PCDHA7: variants seen among roughly 807,000 people sequenced by gnomAD.
The protein encoded by PCDHA7 is protocadherin alpha 7.
Under a neutral mutation model 57.2 loss-of-function variants are expected in PCDHA7, and 37 were observed. The ratio of observed to expected loss-of-function variants is 0.65; its 90% confidence interval spans 0.50 to 0.85. The LOEUF is 0.85. Among genes scored for constraint, PCDHA7 ranks in the 40% least tolerant of loss-of-function variants. The probability of loss-of-function intolerance (pLI) is 0.00; values close to 1 mark genes in which losing one functional copy is unlikely to be tolerated. For missense variants in PCDHA7, 1,188 were observed against 1,241.8 expected (o/e 0.96, Z 0.65); for synonymous variants, 553 against 558.8 (o/e 0.99, Z 0.15).
chr5:140,857,610 C>T (rs1436552212), intron 1 of PCDHA7: 2 of 1,596,344 alleles, frequency 1.3e-6, no homozygotes, highest in South Asian at 2.2e-5. Flanking sequence ...GCGCTGCAGC[C>T]GCTGGACCAC....
intron 1 of PCDHA7, among the ~76,000 whole-genome samples, chr5:140,939,509 C>T (rs1013863525): frequency 9.3e-5 from 14 of 150,592 alleles, no homozygotes; most frequent in Non-Finnish European, 1.8e-4. Flanking sequence ...ATGTCTATAA[C>T]ATTAATAGTT....
chr5:140,929,112 C>A, intron 1 of PCDHA7: 1 of 1,614,130 alleles, frequency 6.2e-7, no homozygotes, highest in South Asian at 1.1e-5. Flanking sequence ...TGACATCAGC[C>A]ACCATAGATG....
Position 140,848,728 on chromosome 5 carries a change from A to G in PCDHA7, c.2355+11990A>G. On this transcript the variant is annotated intron_variant, in intron 1 of 3. Transcript: ENST00000525929. ...GGCCGCGGGGACCTTCTGGAGGTAAATCTGCAGAATGGCATTTTGTTTGTG... is the reference window on the plus strand; with the variant it reads ...GGCCGCGGGGACCTTCTGGAGGTAAGTCTGCAGAATGGCATTTTGTTTGTG... 5 of 1,592,594 alleles carry G rather than the reference A, an allele frequency of 3.1e-6. No individual in the cohort carries two copies. Among genetic ancestry groups the G allele is most frequent in the South Asian group, 1.1e-5 (1 of 90,116 alleles).
chr5:140,871,698 C>A, intron 1 of PCDHA7: 2 of 905,580 alleles, frequency 2.2e-6, no homozygotes, highest in Non-Finnish European at 3.2e-6. Context: ...GCTTCTTTAA[C>A]CAATAAATGT....
intron 1 of PCDHA7, among the ~76,000 whole-genome samples, chr5:140,873,019 T>C (rs1453965744): frequency 6.6e-6 from 1 of 152,206 alleles, no homozygotes; most frequent in Non-Finnish European, 1.5e-5. Flanking sequence ...TATTTAGTTA[T>C]TCTTACTACA....
At chr5:140,955,965 T>C (rs2095242955) in intron 1 of PCDHA7, among the ~76,000 whole-genome samples, 1 of 152,204 alleles carries the variant, frequency 6.6e-6, no homozygotes, top group Admixed American at 6.5e-5. Context: ...TGTTTGTGCA[T>C]AGGAATGCTA....
intron 1 of PCDHA7, chr5:140,969,060 A>T (rs2096292130): frequency 6.2e-7 from 1 of 1,614,012 alleles, no homozygotes. Context: ...AACAATATTG[A>T]TGCCAGGATA....
chr5:140,863,202 G>A (rs559007513), intron 1 of PCDHA7: 5 of 934,632 alleles, frequency 5.3e-6, no homozygotes, highest in African/African-American at 1.7e-5. Flanking sequence ...CGTCGCTGGC[G>A]GAGAGCAGCC....
At chr5:140,840,004 G>A (rs1554137669) in intron 1 of PCDHA7, among the ~76,000 whole-genome samples, 1 of 152,062 alleles carries the variant, frequency 6.6e-6, no homozygotes, top group Non-Finnish European at 1.5e-5. Flanking sequence ...TTAGCACTGA[G>A]AAGATTGGCT....
At chr5:140,896,811 T>G (rs2065758053) in intron 1 of PCDHA7, among the ~76,000 whole-genome samples, 1 of 152,266 alleles carries the variant, frequency 6.6e-6, no homozygotes, top group African/African-American at 2.4e-5. Flanking sequence ...GGTTGTCTGT[T>G]TACTCTGTTC....
chr5:140,904,619 T>C (rs1554191627), intron 1 of PCDHA7, among the ~76,000 whole-genome samples: 1 of 152,126 alleles, frequency 6.6e-6, no homozygotes, highest in African/African-American at 2.4e-5. Context: ...GTTTTACTTT[T>C]AGTTCTTTAA....
intron 3 of PCDHA7, among the ~76,000 whole-genome samples, chr5:140,989,274 G>A (rs3756325): frequency 0.3 from 45,270 of 152,016 alleles, 6,976 homozygotes; most frequent in East Asian, 0.43. Flanking sequence ...GTTTCTGCTG[G>A]GGACATCTCA....
chr5:140,841,468 G>A, intron 1 of PCDHA7: 1 of 1,612,986 alleles, frequency 6.2e-7, no homozygotes, highest in Non-Finnish European at 8.5e-7. Context: ...GCCGGATCGC[G>A]CAGGACCTGG....
chr5:140,912,359 G>A (rs1483575347), intron 1 of PCDHA7, among the ~76,000 whole-genome samples: 1 of 131,950 alleles, frequency 7.6e-6, no homozygotes, highest in Non-Finnish European at 1.6e-5. Context: ...TTTTTTTTTT[G>A]CAGCTGTTGT....
rs376660293 is a variant in PCDHA7 at position 141,011,766 on chromosome 5, A to C, written c.*1829A>C. ...ACCAATCTGACCTCTTTGAAGTTGCAGAATGCTTTGAAATTCTAATGGTAT... is the reference window on the plus strand; with the variant it reads ...ACCAATCTGACCTCTTTGAAGTTGCCGAATGCTTTGAAATTCTAATGGTAT... On this transcript the variant is annotated 3_prime_UTR_variant, in exon 4 of 4. Transcript: ENST00000525929. 2.6e-5 allele frequency: 4 copies of C among 153,796 alleles called. No homozygotes were observed. Among genetic ancestry groups the C allele is most frequent in the Non-Finnish European group, 5.9e-5 (4 of 68,044 alleles). 9.5% of individuals were successfully genotyped at this position (153,796 alleles called of 1,614,324 possible).
intron 3 of PCDHA7, among the ~76,000 whole-genome samples, chr5:140,991,007 G>C (rs2153892777): frequency 6.6e-6 from 1 of 152,280 alleles, no homozygotes; most frequent in South Asian, 2.1e-4. Flanking sequence ...ATTGAGAACT[G>C]TGATAAGCAC....
chr5:140,960,397 G>A (rs1322659184), intron 1 of PCDHA7, among the ~76,000 whole-genome samples: 1 of 152,102 alleles, frequency 6.6e-6, no homozygotes, highest in African/African-American at 2.4e-5. Flanking sequence ...AGGATGCAAG[G>A]GGGGGTGCCC....
In PCDHA7 at chr5:140,993,459, T is replaced by TTC. The variant is rs202191067; in HGVS notation, c.2503+10899_2503+10900dup. 1.1e-4 allele frequency among the ~76,000 whole-genome samples: 9 copies of TTC among 83,038 alleles called. No individual in the cohort carries two copies. The East Asian group carries it at 1.5e-3, about 13-fold the overall frequency. 54.5% of individuals were successfully genotyped at this position (83,038 alleles called of 152,430 possible). Reference sequence around the variant, plus strand: ...ATTCATTCCTGTTCTCCTTCTTTCTTTCTCACACACACACACACACACACA... The same window carrying TTC: ...ATTCATTCCTGTTCTCCTTCTTTCTTTCTCTCACACACACACACACACACACA... On this transcript the variant is annotated intron_variant, in intron 3 of 3. Coordinates refer to ENST00000525929, the MANE Select transcript of PCDHA7 (RefSeq NM_018910.3).
chr5:140,970,026 T>A (rs2153783055), intron 1 of PCDHA7, among the ~76,000 whole-genome samples: 1 of 152,304 alleles, frequency 6.6e-6, no homozygotes, highest in Non-Finnish European at 1.5e-5. Context: ...GGCAGAGAGA[T>A]TAAGTACCAA....
Sources: allele counts gnomAD v4.1 joint callset (sites outside exome capture counted in the v4.1 genomes callset), GRCh38; gene constraint gnomAD v4.1.1; transcripts MANE v1.5; gene names NCBI Gene and HGNC (gene_info 2026-07-23, HGNC 2026-07-21).